The following DNMBP variants were observed in gnomAD, a reference collection of about 807,000 sequenced individuals.
The protein encoded by DNMBP is dynamin binding protein, also known as dynamin-binding protein.
Under a neutral mutation model 150.0 loss-of-function variants are expected in DNMBP, and 87 were observed. The observed-to-expected ratio is 0.58, with a 90% confidence interval of 0.49 to 0.69. The LOEUF (loss-of-function observed/expected upper bound fraction) is 0.69. Ranked by LOEUF, DNMBP falls within the 30% of genes least tolerant of loss-of-function variation. The probability of loss-of-function intolerance (pLI) is 0.00; values close to 1 mark genes in which losing one functional copy is unlikely to be tolerated. For missense variants in DNMBP, 1,774 were observed against 1,949.0 expected (o/e 0.91, Z 1.69); for synonymous variants, 711 against 750.4 (o/e 0.95, Z 0.86).
At chr10:99,959,197 T>C (rs1297582844) in intron 3 of DNMBP, among the ~76,000 whole-genome samples, 1 of 152,238 alleles carries the variant, frequency 6.6e-6, no homozygotes, top group East Asian at 1.9e-4. Flanking sequence ...CATAAAAATA[T>C]GTTATTTACG....
Position 99,957,063 on chromosome 10 carries a change from G to A in DNMBP, c.411C>T (p.Ser137=), listed in dbSNP as rs748739600. 8.1e-6 allele frequency: 13 copies of A among 1,614,044 alleles called. No individual in the cohort carries two copies. The highest frequency in any genetic ancestry group is 4.5e-5 in the East Asian group (2 of 44,874). Residue 137 remains serine (S), a synonymous_variant, in exon 4 of 17, where the codon AGC becomes AGT. Transcript: ENST00000324109. ...SSQSRQWHSQ[S]ALFQIPEYSM... ...AATATTCCGGAATCTGAAACAGGGC[G>A]CTCTGGGAGTGCCACTGCCGGCTCT...
At chr10:99,933,821 C>G (rs954964193) in intron 4 of DNMBP, among the ~76,000 whole-genome samples, 8 of 152,166 alleles carry the variant, frequency 5.3e-5, no homozygotes. Flanking sequence ...ACTGCAAGCT[C>G]CGCCTCCCAG....
intron 4 of DNMBP, among the ~76,000 whole-genome samples, chr10:99,946,555 T>C (rs1271299083): frequency 6.6e-6 from 1 of 152,188 alleles, no homozygotes; most frequent in East Asian, 1.9e-4. Flanking sequence ...AAACTAACCA[T>C]ATGCAGAAGA....
intron 15 of DNMBP, among the ~76,000 whole-genome samples, chr10:99,882,887 G>A (rs1416514986): frequency 6.6e-6 from 1 of 151,750 alleles, no homozygotes; most frequent in Non-Finnish European, 1.5e-5. Context: ...TCAACATGGT[G>A]AAACCCCGTC....
intron 4 of DNMBP, among the ~76,000 whole-genome samples, chr10:99,931,813 G>A (rs2040161643): frequency 6.6e-6 from 1 of 152,214 alleles, no homozygotes; most frequent in Admixed American, 6.5e-5. Context: ...TGTGATAAGT[G>A]CTATGGAGCA....
intron 3 of DNMBP, among the ~76,000 whole-genome samples, chr10:99,967,696 TGTGG>T (rs1443246397): frequency 1.2e-4 from 18 of 151,250 alleles, no homozygotes; most frequent in Admixed American, 2.6e-4. Context: ...TGTGTGTGTG[TGTGG>T]GTATGTGTGT....
Position 99,877,092 on chromosome 10 carries a change from C to CGTATCATTAAAAAAA in DNMBP, c.*58_*59insTTTTTTTAATGATAC. On this transcript the variant is annotated 3_prime_UTR_variant, in exon 17 of 17. Transcript: ENST00000324109. ...AGCAGGCGCCCTCTCGGTGGGCCGC[C>CGTATCATTAAAAAAA]AGAACCCTCGGCGGACTGAAAGCAA... The CGTATCATTAAAAAAA allele has an allele frequency of 1.4e-6, 2 of 1,383,414 alleles. No homozygotes were observed. The highest frequency in any genetic ancestry group is 1.7e-5 in the African/African-American group (1 of 57,204). 85.7% of individuals were successfully genotyped at this position (1,383,414 alleles called of 1,614,324 possible).
chr10:99,932,923 A>G lies in DNMBP; in HGVS notation c.2260+22291T>C, dbSNP rs191129557. ...GTGATCCGTTCCTAAGGAATCACCT[A>G]GGATCCCAGGGGAATAGCTTGTATG... On this transcript the variant is annotated intron_variant, in intron 4 of 16. Coordinates refer to ENST00000324109, the MANE Select transcript of DNMBP (RefSeq NM_015221.4). 1.9e-4 allele frequency among the ~76,000 whole-genome samples: 29 copies of G among 152,058 alleles called. 1 individual carries two copies. The East Asian group carries it at 5.6e-3, about 29-fold the overall frequency.
chr10:99,889,018 C>T lies in DNMBP; in HGVS notation c.3157-65G>A, dbSNP rs2039517288. 5 of 1,574,770 alleles carry T rather than the reference C, an allele frequency of 3.2e-6. No individual in the cohort carries two copies. The Admixed American group carries it at 5.5e-5, about 17-fold the overall frequency. On this transcript the variant is annotated intron_variant, in intron 11 of 16. Transcript: ENST00000324109. ...AACTTTCCAGCTTTTGTCATACATT[C>T]CAAGACTGAATAGCAGTCTTGGAAA... is the stretch of plus-strand genomic sequence containing the variant.
Position 99,884,229 on chromosome 10 carries a change from C to T in DNMBP, c.3799-20G>A, listed in dbSNP as rs1196899661. 4.4e-6 allele frequency: 7 copies of T among 1,601,366 alleles called. No individual in the cohort carries two copies. Among genetic ancestry groups the T allele is most frequent in the East Asian group, 2.2e-5 (1 of 44,628 alleles). On this transcript the variant is annotated intron_variant, in intron 14 of 16. Coordinates refer to ENST00000324109, the MANE Select transcript of DNMBP (RefSeq NM_015221.4). ...ACTTGGCTGAAAGGTAAGACGTTAA[C>T]AAAAATCTCTCAGTGGCCACTACCC... is the stretch of plus-strand genomic sequence containing the variant.
At chr10:99,889,094 G>T in intron 11 of DNMBP, 141 bp from the exon 12 acceptor site, 1 of 917,764 alleles carries the variant, frequency 1.1e-6, no homozygotes, top group Non-Finnish European at 1.6e-6. Flanking sequence ...TTTTAGCTTT[G>T]AAATAAGCAT....
chr10:99,917,944 G>C (rs988653106), intron 4 of DNMBP, among the ~76,000 whole-genome samples: 2 of 139,354 alleles, frequency 1.4e-5, no homozygotes, highest in Non-Finnish European at 3.0e-5. Context: ...ACTCCAGCCT[G>C]AGCGATGGAG....
chr10:99,979,565 C>A (rs776439389), intron 1 of DNMBP, among the ~76,000 whole-genome samples: 1 of 152,138 alleles, frequency 6.6e-6, no homozygotes, highest in South Asian at 2.1e-4. Flanking sequence ...TTAGTCCCCA[C>A]CAATTCCCAA....
chr10:99,908,126 C>T (rs778551397), intron 5 of DNMBP, 32 bp from the exon 6 acceptor site: 32 of 1,463,534 alleles, frequency 2.2e-5, no homozygotes, highest in Admixed American at 8.5e-5. Flanking sequence ...TAAAAATGCA[C>T]GGAAATGAGC....
At chr10:100,003,532 TA>T (rs1441756881) in intron 1 of DNMBP, among the ~76,000 whole-genome samples, 1 of 152,178 alleles carries the variant, frequency 6.6e-6, no homozygotes, top group African/African-American at 2.4e-5. Flanking sequence ...ATGAGCTGAA[TA>T]AACGGAAAGA....
intron 16 of DNMBP, among the ~76,000 whole-genome samples, chr10:99,879,384 T>C (rs763724256): frequency 1.1e-4 from 16 of 152,080 alleles, no homozygotes; most frequent in Non-Finnish European, 1.9e-4. Flanking sequence ...GAAATGAGAA[T>C]TGCTTGAACT....
intron 1 of DNMBP, among the ~76,000 whole-genome samples, chr10:99,972,579 TA>T (rs1436650070): frequency 6.6e-6 from 1 of 151,912 alleles, no homozygotes; most frequent in Non-Finnish European, 1.5e-5. Flanking sequence ...CCTCATATTT[TA>T]AAATATCAAA....
chr10:99,934,168 T>C (rs2040197228), intron 4 of DNMBP, among the ~76,000 whole-genome samples: 1 of 152,208 alleles, frequency 6.6e-6, no homozygotes, highest in Admixed American at 6.5e-5. Context: ...TGTGAAAATG[T>C]TGGGCACCTC....
chr10:99,952,923 T>C (rs1790476408), intron 4 of DNMBP, among the ~76,000 whole-genome samples: 1 of 152,202 alleles, frequency 6.6e-6, no homozygotes. Flanking sequence ...CTGCTATTCC[T>C]AGACCCCCTG....
Sources: gnomAD v4.1 joint callset for allele counts (sites outside exome capture counted in the v4.1 genomes callset) on GRCh38, gnomAD v4.1.1 for gene constraint, MANE v1.5 for transcripts, NCBI Gene and HGNC (gene_info 2026-07-23, HGNC 2026-07-21) for gene names.